Variants in RIMS2 observed in about 807,000 individuals in gnomAD.
RIMS2 encodes regulating synaptic membrane exocytosis 2, also known as regulating synaptic membrane exocytosis protein 2.
In RIMS2, 59 loss-of-function variants were observed where a neutral mutation model predicts 174.4. The observed-to-expected ratio is 0.34, with a 90% CI of 0.27 to 0.42. The LOEUF is 0.42. RIMS2 is among the 10% of genes least tolerant of loss of function. The pLI, the probability that RIMS2 is intolerant of heterozygous loss-of-function variation, is 1.00. For synonymous variants in RIMS2, 606 were observed against 572.5 expected, an observed-to-expected ratio of 1.06 and a Z score of -0.84; for missense variants, 1,620 against 1,666.3, an observed-to-expected ratio of 0.97 and a Z score of 0.48.
chr8:103,991,157 T>A (rs909155241), intron 17 of RIMS2, among the ~76,000 whole-genome samples: 3 of 151,692 alleles, frequency 2.0e-5, no homozygotes, highest in Admixed American at 1.3e-4. Context: ...ATTTAAAAAA[T>A]TTATAAATCT....
At chr8:103,776,451 G>A in intron 3 of RIMS2, among the ~76,000 whole-genome samples, 1 of 152,184 alleles carries the variant, frequency 6.6e-6, no homozygotes, top group East Asian at 1.9e-4. Context: ...GGAAATAGAG[G>A]TTGAACAGTC....
chr8:104,166,473 G>C (rs893331297), intron 19 of RIMS2, among the ~76,000 whole-genome samples: 1 of 152,156 alleles, frequency 6.6e-6, no homozygotes, highest in African/African-American at 2.4e-5. Context: ...CTTCAGAAGT[G>C]TAGAGTAAGT....
chr8:103,776,728 T>C (rs2098322317), intron 3 of RIMS2, among the ~76,000 whole-genome samples: 1 of 152,002 alleles, frequency 6.6e-6, no homozygotes, highest in Non-Finnish European at 1.5e-5. Flanking sequence ...AAGAAAAAAA[T>C]AAACCTGTTG....
intron 19 of RIMS2, among the ~76,000 whole-genome samples, chr8:104,214,530 C>A (rs1264985097): frequency 6.6e-6 from 1 of 152,220 alleles, no homozygotes; most frequent in East Asian, 1.9e-4. Context: ...TCACTGCAAC[C>A]TCCACCGCCT....
At chr8:103,604,727 T>G (rs1289375578) in intron 1 of RIMS2, among the ~76,000 whole-genome samples, 1 of 133,866 alleles carries the variant, frequency 7.5e-6, no homozygotes, top group African/African-American at 3.0e-5. Flanking sequence ...CCCTTGTAAG[T>G]TGGATTCCTA....
intron 3 of RIMS2, among the ~76,000 whole-genome samples, chr8:103,806,688 G>C (rs555726598): frequency 1.7e-4 from 26 of 152,060 alleles, no homozygotes; most frequent in African/African-American, 5.5e-4. Context: ...GCACCGAGAA[G>C]CTAGGAGATT....
rs868123156 is a variant in RIMS2 at position 103,812,344 on chromosome 8, T to G, written c.698+45807T>G. Among the ~76,000 whole-genome samples, 340 of 143,406 alleles carry G rather than the reference T, an allele frequency of 2.4e-3. 1 individual carries two copies. The highest frequency in any genetic ancestry group is 8.4e-3 in the African/African-American group (320 of 38,136). The allele number at this position is 143,406 out of a possible 152,430, so 94.1% of individuals were successfully genotyped here. On this transcript the variant is annotated intron_variant, in intron 3 of 23. Transcript: ENST00000504942. ...CCTTATTACCTTGTTTTTTTTTTTTTTTTTTTTTTTGTTGTTGTTTTTGAG... is the reference window on the plus strand; with the variant it reads ...CCTTATTACCTTGTTTTTTTTTTTTGTTTTTTTTTTGTTGTTGTTTTTGAG...
rs115359644 is a variant in RIMS2 at position 103,998,654 on chromosome 8, G to A, written c.3044+9233G>A. Among the ~76,000 whole-genome samples the A allele has an allele frequency of 1.0e-3, 158 of 151,864 alleles. 1 individual carries two copies. Among genetic ancestry groups the A allele is most frequent in the African/African-American group, 3.0e-3 (124 of 41,538 alleles). ...GAAAACTCACTTTCCCACCTCCAGA[G>A]TAGAGGAATCTGTCCTTGAAGTGCT... On this transcript the variant is annotated intron_variant, in intron 17 of 23. Coordinates refer to ENST00000504942, the Ensembl canonical transcript of RIMS2.
intron 2 of RIMS2, among the ~76,000 whole-genome samples, chr8:103,727,197 ATT>A (rs2097537073): frequency 1.3e-5 from 2 of 152,040 alleles, no homozygotes; most frequent in South Asian, 4.1e-4. Flanking sequence ...TTTCTCTTGA[ATT>A]TTAATAATAT....
chr8:103,705,957 A>T (rs2097220113), intron 2 of RIMS2, among the ~76,000 whole-genome samples: 1 of 151,442 alleles, frequency 6.6e-6, no homozygotes, highest in African/African-American at 2.4e-5. Context: ...TTCGTTTTCT[A>T]GTTGCTTTGT....
chr8:104,208,491 C>T (rs1972439), intron 19 of RIMS2, among the ~76,000 whole-genome samples: 87,056 of 151,158 alleles, frequency 0.58, 25,163 homozygotes, highest in East Asian at 0.65. Context: ...TCGCTTCAAC[C>T]CGGGAGGCGG....
intron 4 of RIMS2, among the ~76,000 whole-genome samples, chr8:103,897,417 A>T (rs2099291624): frequency 6.6e-6 from 1 of 151,688 alleles, no homozygotes; most frequent in African/African-American, 2.4e-5. Flanking sequence ...GTGGCCCCTC[A>T]TGTGGCCATA....
At chr8:104,232,707 C>A (rs2099237322) in intron 19 of RIMS2, among the ~76,000 whole-genome samples, 1 of 152,158 alleles carries the variant, frequency 6.6e-6, no homozygotes, top group African/African-American at 2.4e-5. Context: ...CTGGCCACTA[C>A]CCTCATTGGA....
intron 17 of RIMS2, among the ~76,000 whole-genome samples, chr8:104,004,517 G>A (rs1262603302): frequency 6.7e-6 from 1 of 149,834 alleles, no homozygotes; most frequent in East Asian, 1.9e-4. Flanking sequence ...GGTGAGGGGG[G>A]AAAAAACAGG....
At chr8:103,558,984 G>A (rs900098977) in intron 1 of RIMS2, 1 of 150,398 alleles carries the variant, frequency 6.6e-6, no homozygotes, top group Non-Finnish European at 1.5e-5. Context: ...CCTCAAAGGT[G>A]ACCATGTGTT....
At chr8:103,816,214 A>G (rs2098717465) in intron 3 of RIMS2, among the ~76,000 whole-genome samples, 1 of 152,232 alleles carries the variant, frequency 6.6e-6, no homozygotes, top group Non-Finnish European at 1.5e-5. Context: ...TGACCCTTAT[A>G]GAAGATGATG....
intron 3 of RIMS2, among the ~76,000 whole-genome samples, chr8:103,800,648 G>T (rs929355829): frequency 2.0e-5 from 3 of 152,084 alleles, no homozygotes; most frequent in Non-Finnish European, 4.4e-5. Flanking sequence ...GTTTTCAAAT[G>T]CTGCATCAAC....
At chr8:103,556,096 T>C (rs1850332412) in intron 1 of RIMS2, among the ~76,000 whole-genome samples, 2 of 152,072 alleles carry the variant, frequency 1.3e-5, no homozygotes, top group Non-Finnish European at 2.9e-5. Context: ...TTCAGTTAGA[T>C]AGAATGAATA....
chr8:104,035,842 T>A (rs1383819629), intron 19 of RIMS2, among the ~76,000 whole-genome samples: 1 of 152,142 alleles, frequency 6.6e-6, no homozygotes, highest in Non-Finnish European at 1.5e-5. Context: ...AAAATAAACA[T>A]ATTTTATTCT....
Sources: gnomAD v4.1 joint callset for allele counts (sites outside exome capture counted in the v4.1 genomes callset) on GRCh38, gnomAD v4.1.1 for gene constraint, MANE v1.5 for transcripts, NCBI Gene and HGNC (gene_info 2026-07-23, HGNC 2026-07-21) for gene names.